EEPD1: variants seen among roughly 807,000 people sequenced by gnomAD.
The protein encoded by EEPD1 is endonuclease/exonuclease/phosphatase family domain containing 1.
EEPD1 carries 17 observed loss-of-function variants against 46.3 expected under a neutral mutation model. That is an observed-to-expected ratio of 0.37 (90% CI 0.25 to 0.55). The LOEUF (loss-of-function observed/expected upper bound fraction) is 0.55, where lower values mean the gene tolerates loss of function less well. EEPD1 is among the 20% of genes least tolerant of loss of function. EEPD1 has a pLI of 0.83. For missense variants in EEPD1, 673 were observed against 745.6 expected (o/e 0.90, Z 1.13); for synonymous variants, 313 against 315.6 (o/e 0.99, Z 0.09).
At chr7:36,177,424 C>A (rs1174378220) in intron 2 of EEPD1, among the ~76,000 whole-genome samples, 1 of 152,156 alleles carries the variant, frequency 6.6e-6, no homozygotes, top group Non-Finnish European at 1.5e-5. Context: ...TCCCCACTCC[C>A]TCCCTTCTAG....
At position 36,154,824 on chromosome 7, in the gene EEPD1, A is replaced by G. The variant is rs1208064215; in HGVS notation, c.500A>G (p.Glu167Gly). 6.2e-7 allele frequency: 1 copy of G among 1,614,200 alleles called. No homozygotes were observed. Among genetic ancestry groups the G allele is most frequent in the Non-Finnish European group, 8.5e-7 (1 of 1,180,038 alleles). The change falls in exon 2 of 8, where the codon GAG becomes GGG. Residue 167 changes from glutamate (E) to glycine (G), a missense_variant. Transcript: ENST00000242108. This position sits in a 1 kb window ranked among gnomAD's most constrained non-coding sequence, Gnocchi z 4.2. The part of the protein sequence containing the change: ...MALSIVDFRR[E>G]HGPFRSVEDL... ...CTCAGCATCGTGGACTTCCGCCGTG[A>G]GCATGGGCCCTTTCGCAGCGTTGAG...
rs1787572155 is a variant in EEPD1, at chr7:36,298,990, C to T, written c.1511-17C>T. On this transcript the variant is annotated splice_polypyrimidine_tract_variant and intron_variant, in intron 7 of 7. Coordinates refer to ENST00000242108, the MANE Select transcript of EEPD1 (RefSeq NM_030636.3). ...CCCCATCCTGATTCCCGGTCTCTTTCCTTCCTCTCCCTTCAGGTCACTGGG... is the reference window on the plus strand; with the variant it reads ...CCCCATCCTGATTCCCGGTCTCTTTTCTTCCTCTCCCTTCAGGTCACTGGG... The T allele has an allele frequency of 1.2e-6, 2 of 1,612,906 alleles. No individual in the cohort carries two copies. Among genetic ancestry groups the T allele is most frequent in the Non-Finnish European group, 1.7e-6 (2 of 1,179,378 alleles).
chr7:36,160,676 TG>T (rs150571892), intron 2 of EEPD1, among the ~76,000 whole-genome samples: 1 of 36,494 alleles, frequency 2.7e-5, no homozygotes. Context: ...TGGGAGGTGG[TG>T]GGGGGCGGGG....
intron 2 of EEPD1, among the ~76,000 whole-genome samples, chr7:36,181,899 A>G (rs1202089680): frequency 6.6e-6 from 1 of 152,204 alleles, no homozygotes; most frequent in Non-Finnish European, 1.5e-5. Flanking sequence ...GACTTGCCCC[A>G]TCTGTTACTC....
intron 2 of EEPD1, among the ~76,000 whole-genome samples, chr7:36,209,223 C>T (rs967610029): frequency 3.3e-5 from 5 of 152,222 alleles, no homozygotes; most frequent in Non-Finnish European, 7.3e-5. Flanking sequence ...TGTTTAACTT[C>T]AAGGCTGTTT....
Position 36,297,028 on chromosome 7 carries a change from C to T in EEPD1, c.1351C>T (p.Gln451Ter). 6.2e-7 allele frequency: 1 copy of T among 1,614,156 alleles called. No individual in the cohort carries two copies. Among genetic ancestry groups the T allele is most frequent in the Non-Finnish European group, 8.5e-7 (1 of 1,180,032 alleles). Residue 451 changes from glutamine to a stop codon, truncating the protein, a stop_gained, in exon 7 of 8, where the codon CAA (glutamine) becomes TAA (stop). Transcript: ENST00000242108. LOFTEE classifies it high-confidence loss of function. Reference sequence around the variant, plus strand: ...TGTCATTATCTTAGGGGATTTTGGCCAAGGGCCAGACAGCAATGACTATGA... The same window carrying T: ...TGTCATTATCTTAGGGGATTTTGGCTAAGGGCCAGACAGCAATGACTATGA... Reference protein sequence around the residue: ...KDVIILGDFGQGPDSNDYDIL... With the variant: ...KDVIILGDFG
At chr7:36,176,412 G>C (rs1451482373) in intron 2 of EEPD1, among the ~76,000 whole-genome samples, 1 of 152,200 alleles carries the variant, frequency 6.6e-6, no homozygotes, top group Non-Finnish European at 1.5e-5. Flanking sequence ...TTTTAGGGTA[G>C]GAAAATCAGG....
rs66763009 is a variant in EEPD1 at position 36,153,533 on chromosome 7, T to G, written c.-334T>G. 0.44 allele frequency: 67,323 copies of G among 152,178 alleles called. 15,244 individuals are homozygous for G. The highest frequency in any genetic ancestry group is 0.48 in the African/African-American group (19,721 of 41,464). 9.4% of individuals were successfully genotyped at this position (152,178 alleles called of 1,614,324 possible). On this transcript the variant is annotated 5_prime_UTR_variant, in exon 1 of 8. Transcript: ENST00000242108. ...GGACACGCAGACCGAAGCGGCGTAG[T>G]CGGCTTCCAGGGCCTGACCAGTGAC... is the stretch of plus-strand genomic sequence containing the variant.
intron 2 of EEPD1, among the ~76,000 whole-genome samples, chr7:36,218,608 C>T (rs951820951): frequency 7.9e-5 from 12 of 152,072 alleles, no homozygotes; most frequent in South Asian, 2.1e-4. Context: ...TGAGACACAG[C>T]GGTGCAGTGT....
chr7:36,299,305 T>G lies in EEPD1; in HGVS notation c.*99T>G. Reference sequence around the variant, plus strand: ...TTCAGGGCAGAGCTGCCTTTTAATTTTTATTCTCAGAGCATCAGCACTTGA... The same window carrying G: ...TTCAGGGCAGAGCTGCCTTTTAATTGTTATTCTCAGAGCATCAGCACTTGA... On this transcript the variant is annotated 3_prime_UTR_variant, in exon 8 of 8. Transcript: ENST00000242108. The G allele has an allele frequency of 7.3e-7, 1 of 1,374,978 alleles. No individual in the cohort carries two copies. The highest frequency in any genetic ancestry group is 9.8e-7 in the Non-Finnish European group (1 of 1,015,556). The allele number at this position is 1,374,978 out of a possible 1,614,324, so 85.2% of individuals were successfully genotyped here. A position where few individuals can be genotyped will look rare whatever the true frequency, so the allele number is the denominator to read the frequency against.
intron 2 of EEPD1, among the ~76,000 whole-genome samples, chr7:36,217,084 G>C (rs1481412526): frequency 6.6e-6 from 1 of 152,252 alleles, no homozygotes; most frequent in Non-Finnish European, 1.5e-5. Flanking sequence ...AGAATTTGGG[G>C]CAAGTCCATG....
rs138549305 is a variant in EEPD1 at position 36,181,163 on chromosome 7, C to T, written c.878+25961C>T. 4.6e-3 allele frequency among the ~76,000 whole-genome samples: 696 copies of T among 152,248 alleles called. 5 individuals are homozygous for T. Among genetic ancestry groups the T allele is most frequent in the African/African-American group, 0.016 (656 of 41,530 alleles). On this transcript the variant is annotated intron_variant, in intron 2 of 7. Transcript: ENST00000242108. ...GGACCACTGAGCAGGGTCCACCAGG[C>T]GGTTCACAGTCTCCTATCCACGCGC... is the stretch of plus-strand genomic sequence containing the variant.
At chr7:36,208,153 G>T (rs778793740) in intron 2 of EEPD1, among the ~76,000 whole-genome samples, 1 of 152,206 alleles carries the variant, frequency 6.6e-6, no homozygotes, top group Non-Finnish European at 1.5e-5. Context: ...CTTGAGTTCA[G>T]TGGAGACCCT....
chr7:36,171,876 A>G (rs1414779239), intron 2 of EEPD1, among the ~76,000 whole-genome samples: 2 of 152,252 alleles, frequency 1.3e-5, no homozygotes, highest in African/African-American at 4.8e-5. Flanking sequence ...CATCAGAGTC[A>G]GGTGCCATGA....
intron 2 of EEPD1, among the ~76,000 whole-genome samples, chr7:36,194,043 C>T (rs1785530987): frequency 6.6e-6 from 1 of 152,192 alleles, no homozygotes; most frequent in African/African-American, 2.4e-5. Flanking sequence ...GCGTTCTTTT[C>T]ATCACAGAAG....
chr7:36,191,629 A>C (rs1274964918), intron 2 of EEPD1, among the ~76,000 whole-genome samples: 1 of 152,196 alleles, frequency 6.6e-6, no homozygotes, highest in Non-Finnish European at 1.5e-5. Context: ...CACACAGAAG[A>C]AGAGAGAAGA....
At chr7:36,170,226 T>C (rs990756243) in intron 2 of EEPD1, among the ~76,000 whole-genome samples, 1 of 152,124 alleles carries the variant, frequency 6.6e-6, no homozygotes, top group African/African-American at 2.4e-5. Context: ...CTGGCCAACA[T>C]GATGAAACTC....
chr7:36,176,251 T>C (rs1207100537), intron 2 of EEPD1, among the ~76,000 whole-genome samples: 1 of 152,114 alleles, frequency 6.6e-6, no homozygotes, highest in African/African-American at 2.4e-5. Context: ...GGCCTGCTGG[T>C]GGTGGCTGGG....
intron 2 of EEPD1, among the ~76,000 whole-genome samples, chr7:36,161,353 G>A (rs904767049): frequency 6.6e-6 from 1 of 152,164 alleles, no homozygotes; most frequent in Non-Finnish European, 1.5e-5. Flanking sequence ...CTTGCTAAGA[G>A]ACCTGAGAGC....
Sources: gnomAD v4.1 joint callset for allele counts (sites outside exome capture counted in the v4.1 genomes callset) on GRCh38, gnomAD v4.1.1 for gene constraint, Gnocchi (gnomAD v3.1) non-coding constraint, MANE v1.5 for transcripts, NCBI Gene and HGNC (gene_info 2026-07-23, HGNC 2026-07-21) for gene names.